The following NR2C1 variants were observed in gnomAD, a reference collection of about 807,000 sequenced individuals.
NR2C1 encodes the protein nuclear receptor subfamily 2 group C member 1.
In NR2C1, 33 loss-of-function variants were observed where a neutral mutation model predicts 74.8. The ratio of observed to expected loss-of-function variants is 0.44; its 90% CI spans 0.33 to 0.59. NR2C1 has a LOEUF of 0.59. NR2C1 is among the 20% of genes least tolerant of loss of function. The pLI, the probability that NR2C1 is intolerant of heterozygous loss-of-function variation, is 0.02. For missense variants in NR2C1, 568 were observed against 715.6 expected (o/e 0.79, Z 2.35); for synonymous variants, 225 against 240.6 (o/e 0.94, Z 0.60).
At chr12:95,056,848 A>C (rs900812935) in intron 7 of NR2C1, among the ~76,000 whole-genome samples, 1 of 151,114 alleles carries the variant, frequency 6.6e-6, no homozygotes, top group African/African-American at 2.4e-5. Flanking sequence ...AGTCCCAGCT[A>C]TTCAGGAGGC....
intron 9 of NR2C1, among the ~76,000 whole-genome samples, chr12:95,045,438 AAAAG>A (rs149169806): frequency 0.012 from 1,830 of 152,310 alleles, 26 homozygotes; most frequent in African/African-American, 0.042. Flanking sequence ...GACAAGATGG[AAAAG>A]AAAGACTGGA....
intron 9 of NR2C1, among the ~76,000 whole-genome samples, chr12:95,046,046 G>T (rs1344726955): frequency 2.0e-5 from 3 of 151,968 alleles, no homozygotes; most frequent in Non-Finnish European, 2.9e-5. Context: ...CGTCATGTTG[G>T]CCAGGCTGGT....
At chr12:95,063,771 CATA>C (rs1479930045) in intron 2 of NR2C1, among the ~76,000 whole-genome samples, 5 of 151,836 alleles carry the variant, frequency 3.3e-5, no homozygotes, top group African/African-American at 1.2e-4. Flanking sequence ...GGCTCACGCC[CATA>C]ATCCCAGCAC....
chr12:95,040,398 T>A, intron 10 of NR2C1, 78 bp downstream of exon 10: 1 of 1,388,532 alleles, frequency 7.2e-7, no homozygotes, highest in Non-Finnish European at 9.7e-7. Flanking sequence ...ATGCAAATCT[T>A]CCCAAAATAA....
intron 10 of NR2C1, among the ~76,000 whole-genome samples, chr12:95,037,236 C>T (rs138145737): frequency 2.6e-5 from 4 of 152,172 alleles, no homozygotes; most frequent in South Asian, 4.1e-4. Context: ...ATGGAATCTA[C>T]CACTATTCAT....
chr12:95,051,700 G>A lies in NR2C1; in HGVS notation c.965+62C>T, dbSNP rs923026502. 1.3e-5 allele frequency: 18 copies of A among 1,394,414 alleles called. No individual in the cohort carries two copies. The Admixed American group carries it at 4.2e-4, about 33-fold the overall frequency. The allele number at this position is 1,394,414 out of a possible 1,614,324, so 86.4% of individuals were successfully genotyped here. The stretch of plus-strand genomic sequence containing the variant: ...TATAAATAGCATTTAACATAAAAAT[G>A]TTTTAAGAAATACTGAAAGACATGT... On this transcript the variant is annotated intron_variant, in intron 8 of 13. Transcript: ENST00000333003.
chr12:95,056,814 C>T (rs1048211598), intron 7 of NR2C1, among the ~76,000 whole-genome samples: 1 of 151,936 alleles, frequency 6.6e-6, no homozygotes, highest in African/African-American at 2.4e-5. Context: ...AAAAAATTAG[C>T]TGGGTGTGGT....
intron 12 of NR2C1, among the ~76,000 whole-genome samples, chr12:95,027,663 G>C (rs1000650967): frequency 6.6e-6 from 1 of 152,114 alleles, no homozygotes; most frequent in Admixed American, 6.5e-5. Flanking sequence ...TTGAACACAG[G>C]AGGCGGAGGT....
intron 2 of NR2C1, chr12:95,067,130 A>T (rs1209218561): frequency 1.7e-6 from 1 of 594,950 alleles, no homozygotes. Flanking sequence ...CTCCCATTGC[A>T]CCTGATACAA....
intron 10 of NR2C1, among the ~76,000 whole-genome samples, chr12:95,033,613 C>T (rs897182298): frequency 6.6e-6 from 1 of 152,138 alleles, no homozygotes; most frequent in South Asian, 2.1e-4. Context: ...GCCTTGTTTT[C>T]CTGGCTAATA....
At chr12:95,070,636 C>A (rs1215282736) in intron 1 of NR2C1, among the ~76,000 whole-genome samples, 1 of 152,212 alleles carries the variant, frequency 6.6e-6, no homozygotes, top group Non-Finnish European at 1.5e-5. Context: ...TATCCTTATT[C>A]TCCAGCTTCA....
rs1228055419 is a variant in NR2C1, at chr12:95,057,572, A to G, written c.764T>C (p.Val255Ala). Residue 255 changes from valine to alanine, a missense_variant, in exon 7 of 14, where the codon GTG (valine) becomes GCG (alanine). Transcript: ENST00000333003. The part of the protein sequence containing the change: ...HPSGVKTESA[V>A]LMTSDKAESC... ...ACACACCTTATCTGATGTCATCAGC[A>G]CAGCTGACTCAGTTTTTACTCCAGA... The G allele has an allele frequency of 6.2e-7, 1 of 1,613,184 alleles. No individual in the cohort carries two copies. Among genetic ancestry groups the G allele is most frequent in the African/African-American group, 1.3e-5 (1 of 75,046 alleles).
chr12:95,052,581 G>C (rs1565860647), intron 7 of NR2C1, among the ~76,000 whole-genome samples: 2 of 152,234 alleles, frequency 1.3e-5, no homozygotes, highest in East Asian at 3.9e-4. Flanking sequence ...TCAGCCTCCT[G>C]AGCAGCTGAT....
chr12:95,030,649 A>T (rs1455224700), intron 11 of NR2C1: 1 of 1,610,720 alleles, frequency 6.2e-7, no homozygotes, highest in Admixed American at 1.7e-5. Flanking sequence ...ATAAGGAGGA[A>T]GCAAATGATT....
intron 12 of NR2C1, chr12:95,026,932 A>C (rs1177384681): frequency 9.4e-6 from 1 of 106,044 alleles, no homozygotes; most frequent in Non-Finnish European, 2.0e-5. Flanking sequence ...ATGTTTGGAA[A>C]TCTAGCCCAT....
intron 1 of NR2C1, among the ~76,000 whole-genome samples, chr12:95,070,279 G>A (rs1474786954): frequency 6.6e-6 from 1 of 152,012 alleles, no homozygotes; most frequent in Non-Finnish European, 1.5e-5. Context: ...TTACAGGCAT[G>A]CACCACCATG....
At chr12:95,069,429 G>A (rs1051259064) in intron 1 of NR2C1, among the ~76,000 whole-genome samples, 1 of 152,098 alleles carries the variant, frequency 6.6e-6, no homozygotes, top group Non-Finnish European at 1.5e-5. Context: ...GTTTAGATTT[G>A]TTACTTACAT....
chr12:95,067,312 A>C lies in NR2C1; in HGVS notation c.54+19T>G. The C allele has an allele frequency of 3.7e-6, 6 of 1,609,574 alleles. No individual in the cohort carries two copies. In the South Asian group the frequency reaches 6.6e-5, roughly 18 times the overall value. On this transcript the variant is annotated intron_variant, in intron 2 of 13. Coordinates refer to ENST00000333003, the MANE Select transcript of NR2C1 (RefSeq NM_003297.4). The stretch of plus-strand genomic sequence containing the variant: ...GAAAAGTTTGGTGGGCCAGTGCATC[A>C]ACCGTAAACTAGACATACCTCTCCC...
At chr12:95,063,294 A>G (rs2136192311) in intron 2 of NR2C1, among the ~76,000 whole-genome samples, 1 of 152,314 alleles carries the variant, frequency 6.6e-6, no homozygotes, top group East Asian at 1.9e-4. Context: ...TTCCAGGTAG[A>G]GGAAACAGAG....
Sources: gnomAD v4.1 joint callset for allele counts (sites outside exome capture counted in the v4.1 genomes callset) on GRCh38, gnomAD v4.1.1 for gene constraint, MANE v1.5 for transcripts, NCBI Gene and HGNC (gene_info 2026-07-23, HGNC 2026-07-21) for gene names.